CHGA: variants seen among roughly 807,000 people sequenced by gnomAD.
The protein encoded by CHGA is chromogranin A.
In CHGA, 41 loss-of-function variants were observed where a neutral mutation model predicts 54.4. The observed-to-expected ratio is 0.75, with a 90% CI of 0.59 to 0.98. The LOEUF (loss-of-function observed/expected upper bound fraction) is 0.98, where lower values mean the gene tolerates loss of function less well. CHGA is among the 50% of genes least tolerant of loss of function. The pLI is 0.00. For missense variants in CHGA, 576 were observed against 582.3 expected, an observed-to-expected ratio of 0.99 and a Z score of 0.11; for synonymous variants, 249 against 232.8, an observed-to-expected ratio of 1.07 and a Z score of -0.63.
intron 3 of CHGA, among the ~76,000 whole-genome samples, chr14:92,926,904 T>C (rs1041375262): frequency 3.9e-5 from 6 of 152,180 alleles, no homozygotes; most frequent in Non-Finnish European, 7.3e-5. Context: ...GCAGAGGGGA[T>C]GCATATGAAC....
At chr14:92,929,291 G>A (rs1886947740) in intron 4 of CHGA, among the ~76,000 whole-genome samples, 1 of 152,102 alleles carries the variant, frequency 6.6e-6, no homozygotes, top group Non-Finnish European at 1.5e-5. Flanking sequence ...GGTTCCTGGA[G>A]CTACCAGCCA....
rs753045425 is a variant in CHGA, at chr14:92,931,545, G to A, written c.651G>A (p.Leu217=). 6.8e-6 allele frequency: 11 copies of A among 1,613,028 alleles called. No homozygotes were observed. The highest frequency in any genetic ancestry group is 9.3e-6 in the Non-Finnish European group (11 of 1,179,832). Residue 217 remains leucine (L), a synonymous_variant, in exon 6 of 8, where the codon CTG becomes CTA. Transcript: ENST00000216492. ...GTCTGGTGGACAGAGAGAAGGGCCT[G>A]AGTGCAGAGCCAGGGTGGCAGGCAA... The part of the protein sequence containing the change: ...SQGLVDREKG[L]SAEPGWQAKR...
chr14:92,927,192 C>T (rs768547797), intron 3 of CHGA, among the ~76,000 whole-genome samples: 1 of 152,176 alleles, frequency 6.6e-6, no homozygotes, highest in Non-Finnish European at 1.5e-5. Context: ...CATTGGAAAC[C>T]GATGAGTGGA....
Position 92,923,184 on chromosome 14 carries a change from G to A in CHGA, c.-176G>A, listed in dbSNP as rs999648459. 13 of 445,756 alleles carry A rather than the reference G, an allele frequency of 2.9e-5. No homozygotes were observed. The highest frequency in any genetic ancestry group is 4.1e-5 in the African/African-American group (2 of 48,308). The allele number at this position is 445,756 out of a possible 1,614,324, so 27.6% of individuals were successfully genotyped here. A position where few individuals can be genotyped will look rare whatever the true frequency, so the allele number is the denominator to read the frequency against. On this transcript the variant is annotated 5_prime_UTR_variant, in exon 1 of 8. The change creates a new upstream start codon in the 5' untranslated region. Transcript: ENST00000216492. ...CCTGCCACTGCAGTGCTCGAGCCCCGTGCAGGGGAGCTTGCGGGAGGATCG... is the reference window on the plus strand; with the variant it reads ...CCTGCCACTGCAGTGCTCGAGCCCCATGCAGGGGAGCTTGCGGGAGGATCG...
rs761219395 is a variant in CHGA at position 92,931,419 on chromosome 14, G to A, written c.525G>A (p.Glu175=). The A allele has an allele frequency of 5.6e-6, 9 of 1,608,800 alleles. No homozygotes were observed. The South Asian group carries it at 6.6e-5, about 12-fold the overall frequency. The change falls in exon 6 of 8, where the codon GAG becomes GAA. Residue 175 remains glutamate, a synonymous_variant. Transcript: ENST00000216492. ...GNNQAPGEEE[E]EEEEATNTHP... is the part of the protein sequence containing the mutation. ...ATCAGGCCCCTGGGGAGGAAGAGGA[G>A]GAGGAGGAGGAGGCCACCAACACCC...
chr14:92,934,865 AG>A lies in CHGA; in HGVS notation c.1357del (p.Ala453HisfsTer82), dbSNP rs1452196800. 6.3e-7 allele frequency: 1 copy of A among 1,579,482 alleles called. No individual in the cohort carries two copies. Among genetic ancestry groups the A allele is most frequent in the Admixed American group, 1.8e-5 (1 of 54,798 alleles). ...AELEKVAHQL[Q>X]ALRRG ...CTGGAGAAAGTGGCCCACCAGCTGC[AG>A]GCACTACGGCGGGGCTGAGACACCG... On this transcript the variant is annotated frameshift_variant, in exon 8 of 8. Transcript: ENST00000216492. LOFTEE classifies it high-confidence loss of function.
chr14:92,926,507 A>G (rs574274265), intron 2 of CHGA, 98 bp from the exon 3 acceptor site: 1 of 972,942 alleles, frequency 1.0e-6, no homozygotes, highest in South Asian at 1.3e-5. Flanking sequence ...GACAAAAGCA[A>G]ATACCCTCTG....
chr14:92,932,840 C>T lies in CHGA; in HGVS notation c.1279C>T (p.Arg427Cys), dbSNP rs775119724. 27 of 1,498,216 alleles carry T rather than the reference C, an allele frequency of 1.8e-5. No individual in the cohort carries two copies. The highest frequency in any genetic ancestry group is 4.2e-5 in the African/African-American group (3 of 71,938). The allele number at this position is 1,498,216 out of a possible 1,614,324, so 92.8% of individuals were successfully genotyped here. Residue 427 changes from arginine to cysteine, a missense_variant, in exon 7 of 8, where the codon CGC becomes TGC. By Grantham distance (180) the Arg-to-Cys change is radical. Coordinates refer to ENST00000216492, the MANE Select transcript of CHGA (RefSeq NM_001275.4). The surrounding 1 kb of genome is among the most constrained non-coding windows in gnomAD (Gnocchi z 5.3). ...EKKEEEGSAN[R>C]RPEDQELESL... ...GAAAGAGGAGGAGGGCAGCGCAAAC[C>T]GCAGACCAGAGGTTGGTATGGGGCG...
Position 92,932,339 on chromosome 14 carries a change from T to C in CHGA, c.809-31T>C, listed in dbSNP as rs1331437135. 6.5e-7 allele frequency: 1 copy of C among 1,544,460 alleles called. No homozygotes were observed. Among genetic ancestry groups the C allele is most frequent in the Non-Finnish European group, 8.7e-7 (1 of 1,143,582 alleles). On this transcript the variant is annotated intron_variant, in intron 6 of 7. Coordinates refer to ENST00000216492, the MANE Select transcript of CHGA (RefSeq NM_001275.4). The surrounding 1 kb of genome is among the most constrained non-coding windows in gnomAD (Gnocchi z 5.3). ...TGGGAAAATGGTGGTCCCCCACCCA[T>C]TCTCCTGCTCTTGCCCACCACCTGC... is the stretch of plus-strand genomic sequence containing the variant.
rs1433738515 is a variant in CHGA, at chr14:92,923,415, C to T, written c.46+10C>T. Reference sequence around the variant, plus strand: ...CTCTGCGCCGGGCAAGGTGAGCGAGCGCGGGGAGCTCGCGGGAGAGGGTTC... The same window carrying T: ...CTCTGCGCCGGGCAAGGTGAGCGAGTGCGGGGAGCTCGCGGGAGAGGGTTC... On this transcript the variant is annotated intron_variant, in intron 1 of 7. Coordinates refer to ENST00000216492, the MANE Select transcript of CHGA (RefSeq NM_001275.4). The T allele has an allele frequency of 1.2e-5, 15 of 1,258,056 alleles. No individual in the cohort carries two copies. The highest frequency in any genetic ancestry group is 1.5e-5 in the Non-Finnish European group (15 of 1,002,218). 77.9% of individuals were successfully genotyped at this position (1,258,056 alleles called of 1,614,324 possible). A position where few individuals can be genotyped will look rare whatever the true frequency, so the allele number is the denominator to read the frequency against.
rs762272580 is a variant in CHGA, at chr14:92,932,322, TG to T, written c.809-46del. ...CAGGGAGTGGCAGAGACTGGGAAAA[TG>T]GTGGTCCCCCACCCATTCTCCTGCT... On this transcript the variant is annotated intron_variant, in intron 6 of 7. Transcript: ENST00000216492. The surrounding 1 kb of genome is among the most constrained non-coding windows in gnomAD (Gnocchi z 5.3). The T allele has an allele frequency of 3.3e-6, 5 of 1,514,450 alleles. No homozygotes were observed. The African/African-American group carries it at 6.9e-5, about 21-fold the overall frequency. The allele number at this position is 1,514,450 out of a possible 1,614,324, so 93.8% of individuals were successfully genotyped here. A position where few individuals can be genotyped will look rare whatever the true frequency, so the allele number is the denominator to read the frequency against.
rs372495668 is a variant in CHGA at position 92,927,609 on chromosome 14, G to A, written c.247G>A (p.Ala83Thr). 58 of 1,612,908 alleles carry A rather than the reference G, an allele frequency of 3.6e-5. No individual in the cohort carries two copies. The highest frequency in any genetic ancestry group is 1.2e-4 in the African/African-American group (9 of 74,814). ...QNLLKELQDL[A>T]LQGAKERAHQ... Reference sequence around the variant, plus strand: ...TTTACTGAAGGAGCTCCAAGACCTCGCTCTCCAAGGTATTTTCCAGCCACT... The same window carrying A: ...TTTACTGAAGGAGCTCCAAGACCTCACTCTCCAAGGTATTTTCCAGCCACT... The change falls in exon 4 of 8, where the codon GCT (alanine) becomes ACT (threonine). Residue 83 changes from alanine to threonine, a missense_variant. Physicochemically the swap from Ala to Thr is moderately conservative, Grantham distance 58. Coordinates refer to ENST00000216492, the MANE Select transcript of CHGA (RefSeq NM_001275.4).
In CHGA at chr14:92,932,407, G is replaced by T. The variant is rs1437679631; in HGVS notation, c.846G>T (p.Lys282Asn). 2 of 1,579,286 alleles carry T rather than the reference G, an allele frequency of 1.3e-6. No individual in the cohort carries two copies. Among genetic ancestry groups the T allele is most frequent in the Non-Finnish European group, 1.7e-6 (2 of 1,163,126 alleles). ...CTCTGGCTGTGGATGGAGCTGGGAA[G>T]CCTGGGGCTGAGGAGGCTCAGGACC... ...SEALAVDGAG[K>N]PGAEEAQDPE... The change falls in exon 7 of 8, where the codon AAG (lysine) becomes AAT (asparagine). Residue 282 changes from lysine (K) to asparagine (N), a missense_variant. By Grantham distance (94) the Lys-to-Asn change is moderately conservative (BLOSUM62 0). Coordinates refer to ENST00000216492, the MANE Select transcript of CHGA (RefSeq NM_001275.4). This position sits in a 1 kb window ranked among gnomAD's most constrained non-coding sequence, Gnocchi z 5.3.
Position 92,934,866 on chromosome 14 carries a change from G to T in CHGA, c.1356G>T (p.Gln452His). ...TGGAGAAAGTGGCCCACCAGCTGCA[G>T]GCACTACGGCGGGGCTGAGACACCG... is the stretch of plus-strand genomic sequence containing the variant. ...AELEKVAHQL[Q>H]ALRRG is the part of the protein sequence containing the mutation. The change falls in exon 8 of 8, where the codon CAG becomes CAT. Residue 452 changes from glutamine (Q) to histidine (H), a missense_variant. By Grantham distance (24) the Gln-to-His change is conservative. Coordinates refer to ENST00000216492, the MANE Select transcript of CHGA (RefSeq NM_001275.4). 1 of 1,578,250 alleles carries T rather than the reference G, an allele frequency of 6.3e-7. No individual in the cohort carries two copies. Among genetic ancestry groups the T allele is most frequent in the Non-Finnish European group, 8.6e-7 (1 of 1,163,676 alleles).
At chr14:92,928,254 G>A (rs1286096227) in intron 4 of CHGA, among the ~76,000 whole-genome samples, 1 of 152,202 alleles carries the variant, frequency 6.6e-6, no homozygotes, top group Non-Finnish European at 1.5e-5. Context: ...CTGGGCTTGT[G>A]TCTGGGGTGG....
chr14:92,932,530 A>G lies in CHGA; in HGVS notation c.969A>G (p.Gly323=). ...GCCTCTTCCGGGGTGGGAAGAGCGG[A>G]GAGCTGGAGCAGGAGGAGGAGCGGC... ...PQGLFRGGKS[G]ELEQEEERLS... The change falls in exon 7 of 8, where the codon GGA becomes GGG. Residue 323 remains glycine, a synonymous_variant. Transcript: ENST00000216492. The surrounding 1 kb of genome is among the most constrained non-coding windows in gnomAD (Gnocchi z 5.3). The G allele has an allele frequency of 6.4e-7, 1 of 1,553,794 alleles. No homozygotes were observed. The highest frequency in any genetic ancestry group is 8.7e-7 in the Non-Finnish European group (1 of 1,148,574).
chr14:92,931,139 G>A, intron 5 of CHGA, 111 bp from the exon 6 acceptor site: 1 of 1,120,736 alleles, frequency 8.9e-7, no homozygotes. Flanking sequence ...TCCTGGGCTG[G>A]GCTCGCTGGA....
In CHGA at chr14:92,924,260, TG is replaced by T. The variant is rs773852195; in HGVS notation, c.93+19del. ...GGGATACCGAGGTAAGAAGGGGTGCTGGGGATGAGGGGTAGGAGGCTCCAGT... is the reference window on the plus strand; with the variant it reads ...GGGATACCGAGGTAAGAAGGGGTGCTGGGATGAGGGGTAGGAGGCTCCAGT... On this transcript the variant is annotated intron_variant, in intron 2 of 7. Coordinates refer to ENST00000216492, the MANE Select transcript of CHGA (RefSeq NM_001275.4). 2 of 1,610,468 alleles carry T rather than the reference TG, an allele frequency of 1.2e-6. No individual in the cohort carries two copies. Among genetic ancestry groups the T allele is most frequent in the Admixed American group, 1.7e-5 (1 of 59,590 alleles).
chr14:92,925,671 G>C (rs1269016786), intron 2 of CHGA, among the ~76,000 whole-genome samples: 1 of 152,154 alleles, frequency 6.6e-6, no homozygotes. Flanking sequence ...TCAGCTCTAG[G>C]CTGTGGAAGC....
Sources: allele counts gnomAD v4.1 joint callset (sites outside exome capture counted in the v4.1 genomes callset), GRCh38; gene constraint gnomAD v4.1.1; non-coding constraint Gnocchi (gnomAD v3.1); transcripts MANE v1.5; gene names NCBI Gene and HGNC (gene_info 2026-07-23, HGNC 2026-07-21).